MARVELD2: variants seen among roughly 807,000 people sequenced by gnomAD.
The protein encoded by MARVELD2 is MARVEL domain containing 2.
MARVELD2 carries 49 observed loss-of-function variants against 57.6 expected under a neutral mutation model. The ratio of observed to expected loss-of-function variants is 0.85; its 90% CI spans 0.68 to 1.08. The LOEUF is 1.08. Ranked by LOEUF, MARVELD2 falls within the 50% of genes least tolerant of loss-of-function variation. MARVELD2 has a pLI of 0.00. For synonymous variants in MARVELD2, 238 were observed against 258.8 expected, an observed-to-expected ratio of 0.92 and a Z score of 0.77; for missense variants, 606 against 701.1, an observed-to-expected ratio of 0.86 and a Z score of 1.53.
Position 69,427,739 on chromosome 5 carries a change from C to T in MARVELD2, c.1182+3103C>T, listed in dbSNP as rs560193088. Among the ~76,000 whole-genome samples the T allele has an allele frequency of 1.1e-3, 175 of 152,290 alleles. 1 individual carries two copies. Among genetic ancestry groups the T allele is most frequent in the Non-Finnish European group, 2.2e-3 (148 of 68,032 alleles). On this transcript the variant is annotated intron_variant, in intron 3 of 6. Transcript: ENST00000325631. The stretch of plus-strand genomic sequence containing the variant: ...AGTACTGTCTAAGAGTGGCCTTTCC[C>T]GTGCTGGAGCTTAATGCAGTCTTCC...
At chr5:69,438,006 A>C (rs570657891) in intron 5 of MARVELD2, among the ~76,000 whole-genome samples, 1 of 152,294 alleles carries the variant, frequency 6.6e-6, no homozygotes, top group South Asian at 2.1e-4. Flanking sequence ...CCATATTACA[A>C]AAGTTAGCTT....
chr5:69,429,081 T>C (rs1766880258), intron 3 of MARVELD2, among the ~76,000 whole-genome samples: 1 of 152,182 alleles, frequency 6.6e-6, no homozygotes, highest in Non-Finnish European at 1.5e-5. Context: ...CTCGGGGTAC[T>C]CTGCTCGCCA....
chr5:69,440,692 A>C (rs759989283), intron 6 of MARVELD2, among the ~76,000 whole-genome samples, 192 bp downstream of exon 6: 1 of 152,174 alleles, frequency 6.6e-6, no homozygotes, highest in Non-Finnish European at 1.5e-5. Context: ...GTCCTGATTT[A>C]GCAACCTAGA....
At chr5:69,432,780 G>C (rs763377152) in intron 4 of MARVELD2, 105 bp downstream of exon 4, 1 of 1,572,164 alleles carries the variant, frequency 6.4e-7, no homozygotes, top group Non-Finnish European at 8.7e-7. Context: ...GCTTAAAATC[G>C]TGTATGTAAA....
rs1422986265 is a variant in MARVELD2 at position 69,420,076 on chromosome 5, T to C, written c.691T>C (p.Tyr231His). 1.9e-6 allele frequency: 3 copies of C among 1,614,072 alleles called. No homozygotes were observed. Among genetic ancestry groups the C allele is most frequent in the Non-Finnish European group, 2.5e-6 (3 of 1,180,048 alleles). The part of the protein sequence containing the change: ...WYNLFGYSQP[Y>H]GMGGVGGLGS... ...CAACTTGTTTGGATATTCACAACCG[T>C]ATGGCATGGGAGGCGTTGGTGGATT... Residue 231 changes from tyrosine (Y) to histidine (H), a missense_variant, in exon 2 of 7, where the codon TAT becomes CAT. Physicochemically the swap from Tyr to His is moderately conservative, Grantham distance 83. Coordinates refer to ENST00000325631, the MANE Select transcript of MARVELD2 (RefSeq NM_001038603.3).
chr5:69,432,703 A>G, intron 4 of MARVELD2, 28 bp downstream of exon 4: 1 of 1,613,912 alleles, frequency 6.2e-7, no homozygotes, highest in Non-Finnish European at 8.5e-7. Context: ...TTCTTCCTCA[A>G]GGTAGAAGTT....
At chr5:69,437,856 CATG>C (rs1767204926) in intron 5 of MARVELD2, among the ~76,000 whole-genome samples, 1 of 152,088 alleles carries the variant, frequency 6.6e-6, no homozygotes, top group Non-Finnish European at 1.5e-5. Flanking sequence ...CAAGTCTTCC[CATG>C]ATGTTTCCAC....
rs976005542 is a variant in MARVELD2 at position 69,422,796 on chromosome 5, G to T, written c.1147-1805G>T. 4.6e-5 allele frequency among the ~76,000 whole-genome samples: 7 copies of T among 152,220 alleles called. No homozygotes were observed. The South Asian group carries it at 8.3e-4, about 18-fold the overall frequency. ...GGGGCATCACGGAACCTGCCGACATGTGATGTCTCCCCTGCACACCCAGCT... is the reference window on the plus strand; with the variant it reads ...GGGGCATCACGGAACCTGCCGACATTTGATGTCTCCCCTGCACACCCAGCT... On this transcript the variant is annotated intron_variant, in intron 2 of 6. Transcript: ENST00000325631.
At position 69,432,519 on chromosome 5, in the gene MARVELD2, A is replaced by T. The variant is rs374285340; in HGVS notation, c.1183-8A>T. On this transcript the variant is annotated splice_polypyrimidine_tract_variant and splice_region_variant and intron_variant, in intron 3 of 6. Transcript: ENST00000325631. ...ATTAACAAATCCTCTTTTTCTCCCT[A>T]ACTGCAGTGTGAAATGGCCACCAGT... 9.3e-6 allele frequency: 15 copies of T among 1,612,360 alleles called. No homozygotes were observed. The African/African-American group carries it at 2.0e-4, about 22-fold the overall frequency.
At chr5:69,438,584 C>A (rs1767228084) in intron 5 of MARVELD2, among the ~76,000 whole-genome samples, 1 of 151,782 alleles carries the variant, frequency 6.6e-6, no homozygotes, top group African/African-American at 2.4e-5. Context: ...TGCATCTACA[C>A]ACAAAAAAGT....
chr5:69,440,584 A>G, intron 6 of MARVELD2, 84 bp downstream of exon 6: 1 of 824,634 alleles, frequency 1.2e-6, no homozygotes, highest in Non-Finnish European at 2.0e-6. Flanking sequence ...TGTTAGCTAA[A>G]ATAGTTCCTT....
At chr5:69,423,213 A>C (rs1034750653) in intron 2 of MARVELD2, among the ~76,000 whole-genome samples, 3 of 151,822 alleles carry the variant, frequency 2.0e-5, no homozygotes, top group Non-Finnish European at 4.4e-5. Context: ...TTCTTTTTAC[A>C]CCTAGTGGAA....
rs1302566506 is a variant in MARVELD2 at position 69,419,353 on chromosome 5, CTT to C, written c.-15-16_-15-15del. The C allele has an allele frequency of 4.3e-6, 7 of 1,613,248 alleles. No individual in the cohort carries two copies. Among genetic ancestry groups the C allele is most frequent in the Non-Finnish European group, 5.9e-6 (7 of 1,179,454 alleles). ...ATAAGTAACTAATCATAAGTGATAA[CTT>C]TAAATTTGGCCACAGGTGTGAAAAT... On this transcript the variant is annotated splice_polypyrimidine_tract_variant and intron_variant, in intron 1 of 6. Coordinates refer to ENST00000325631, the MANE Select transcript of MARVELD2 (RefSeq NM_001038603.3).
chr5:69,431,056 A>G (rs1407863647), intron 3 of MARVELD2, among the ~76,000 whole-genome samples: 1 of 149,802 alleles, frequency 6.7e-6, no homozygotes, highest in Non-Finnish European at 1.5e-5. Flanking sequence ...CAGCCTCCCA[A>G]AGTGTTAGGC....
At chr5:69,440,814 G>A (rs1767304122) in intron 6 of MARVELD2, among the ~76,000 whole-genome samples, 1 of 152,246 alleles carries the variant, frequency 6.6e-6, no homozygotes, top group African/African-American at 2.4e-5. Context: ...GCTGGACACT[G>A]GCTCAGGCCT....
intron 3 of MARVELD2, among the ~76,000 whole-genome samples, chr5:69,431,888 G>A (rs1297316853): frequency 7.2e-6 from 1 of 138,626 alleles, no homozygotes; most frequent in Non-Finnish European, 1.5e-5. Flanking sequence ...CCAGGCTGGA[G>A]TGCAGTAATG....
chr5:69,427,302 G>A (rs1478858373), intron 3 of MARVELD2, among the ~76,000 whole-genome samples: 2 of 152,128 alleles, frequency 1.3e-5, no homozygotes, highest in African/African-American at 4.8e-5. Flanking sequence ...GAGGTCAGGG[G>A]CCTGTGCATT....
chr5:69,432,898 C>T, intron 4 of MARVELD2, 24 bp from the exon 5 acceptor site: 1 of 1,613,966 alleles, frequency 6.2e-7, no homozygotes, highest in Non-Finnish European at 8.5e-7. Flanking sequence ...ACAATTATAT[C>T]TTTGGCTTAT....
rs1767378638 is a variant in MARVELD2 at position 69,443,250 on chromosome 5, G to A, written c.*1596G>A. The A allele has an allele frequency of 6.7e-6, 1 of 149,708 alleles. No individual in the cohort carries two copies. Among genetic ancestry groups the A allele is most frequent in the Non-Finnish European group, 1.5e-5 (1 of 68,138 alleles). The allele number at this position is 149,708 out of a possible 1,614,324, so 9.3% of individuals were successfully genotyped here. A position where few individuals can be genotyped will look rare whatever the true frequency, so the allele number is the denominator to read the frequency against. On this transcript the variant is annotated 3_prime_UTR_variant, in exon 7 of 7. Coordinates refer to ENST00000325631, the MANE Select transcript of MARVELD2 (RefSeq NM_001038603.3). The stretch of plus-strand genomic sequence containing the variant: ...TTTCGCTCTTGTTGCCCAGGCTGGA[G>A]TACAGTGGTATGATCTTGGCTCACT...
Sources: allele counts gnomAD v4.1 joint callset (sites outside exome capture counted in the v4.1 genomes callset), GRCh38; gene constraint gnomAD v4.1.1; transcripts MANE v1.5; gene names NCBI Gene and HGNC (gene_info 2026-07-23, HGNC 2026-07-21).